Variants in TMEM223 observed in about 807,000 individuals in gnomAD.
TMEM223 encodes the protein transmembrane protein 223.
TMEM223 carries 14 observed loss-of-function variants against 14.1 expected under a neutral mutation model. The ratio of observed to expected loss-of-function variants is 0.99; its 90% CI spans 0.66 to 1.55. The LOEUF (loss-of-function observed/expected upper bound fraction) is 1.55, where lower values mean the gene tolerates loss of function less well. Among genes scored for constraint, TMEM223 ranks in the 40% most tolerant of loss-of-function variants. TMEM223 has a pLI of 0.00. For synonymous variants in TMEM223, 145 were observed against 120.5 expected (o/e 1.20, Z -1.33); for missense variants, 346 against 269.9 (o/e 1.28, Z -1.97).
intron 1 of TMEM223, among the ~76,000 whole-genome samples, chr11:62,775,461 A>G (rs1295012181): frequency 6.6e-6 from 1 of 152,228 alleles, no homozygotes; most frequent in Non-Finnish European, 1.5e-5. Flanking sequence ...TGCCTGTTTT[A>G]CAGTTTAGGA....
At chr11:62,782,416 C>CT in intron 1 of TMEM223, 1 of 1,426,872 alleles carries the variant, frequency 7.0e-7, no homozygotes, top group African/African-American at 1.4e-5. Flanking sequence ...AAGCCTCTGG[C>CT]TTTGAGAGTC....
chr11:62,786,669 C>T, downstream of TMEM223: 4 of 1,611,672 alleles, frequency 2.5e-6, no homozygotes, highest in Non-Finnish European at 2.5e-6. Context: ...CAGAACCCAG[C>T]TTTGGGTCCG....
At chr11:62,789,129 G>T, downstream of TMEM223, 1 of 1,614,136 alleles carries the variant, frequency 6.2e-7, no homozygotes, top group Non-Finnish European at 8.5e-7. Flanking sequence ...TTTGTAGCTG[G>T]GGCCTCTGGC....
chr11:62,775,826 G>C (rs747264295), intron 1 of TMEM223: 2 of 1,613,086 alleles, frequency 1.2e-6, no homozygotes, highest in Non-Finnish European at 8.5e-7. Flanking sequence ...GATCCCTCGG[G>C]AGTCTGTCCG....
At chr11:62,786,919 G>C, downstream of TMEM223, 1 of 1,494,268 alleles carries the variant, frequency 6.7e-7, no homozygotes, top group Non-Finnish European at 8.8e-7. Flanking sequence ...CAGCCCGCAC[G>C]GCGACGAGAG....
At chr11:62,783,679 C>T (rs1336284659), downstream of TMEM223, among the ~76,000 whole-genome samples, 1 of 151,590 alleles carries the variant, frequency 6.6e-6, no homozygotes, top group Non-Finnish European at 1.5e-5. Flanking sequence ...GGATTACAGG[C>T]ACGTGCCACC....
At chr11:62,784,434 G>A (rs552886384), downstream of TMEM223, among the ~76,000 whole-genome samples, 75 of 151,662 alleles carry the variant, frequency 4.9e-4, no homozygotes, top group Non-Finnish European at 9.1e-4. Context: ...CCTCCCGAGA[G>A]TAGCTGGGAC....
At chr11:62,787,556 C>CG, downstream of TMEM223, 4 of 1,519,026 alleles carry the variant, frequency 2.6e-6, no homozygotes, top group Non-Finnish European at 2.6e-6. Context: ...GTCAGGTAGG[C>CG]GGGGGAGCTG....
intron 1 of TMEM223, chr11:62,778,384 A>C (rs372139238): frequency 2.6e-4 from 411 of 1,608,346 alleles, no homozygotes; most frequent in Non-Finnish European, 3.4e-4. Flanking sequence ...TTTCTCCCTT[A>C]GGTTCTGAGG....
intron 1 of TMEM223, 96 bp downstream of exon 1, chr11:62,791,583 C>G: frequency 7.3e-7 from 1 of 1,376,716 alleles, no homozygotes; most frequent in Non-Finnish European, 9.6e-7. Context: ...GCCCGCCACT[C>G]TCGGATAGGG....
At chr11:62,787,203 G>C (rs374021951), downstream of TMEM223, 2 of 1,588,192 alleles carry the variant, frequency 1.3e-6, no homozygotes, top group Non-Finnish European at 1.7e-6. Context: ...GCCCGGCCTC[G>C]CGCTACGTGC....
chr11:62,782,878 A>G (rs1481709175), downstream of TMEM223: 1 of 1,601,216 alleles, frequency 6.2e-7, no homozygotes, highest in Non-Finnish European at 8.5e-7. Context: ...TTTGTGTTAG[A>G]AAAATAGTAC....
Position 62,790,480 on chromosome 11 carries a change from T to G in TMEM223, c.*143A>C, listed in dbSNP as rs2084347980. On this transcript the variant is annotated 3_prime_UTR_variant, in exon 2 of 2. Transcript: ENST00000307366. Reference sequence around the variant, plus strand: ...AAATAGAGACAAGGTCTCGCTATGTTGCCCAGCCTGGGCTCGAGCAGTGCT... The same window carrying G: ...AAATAGAGACAAGGTCTCGCTATGTGGCCCAGCCTGGGCTCGAGCAGTGCT... The G allele has an allele frequency of 7.9e-6, 6 of 759,862 alleles. No individual in the cohort carries two copies. Among genetic ancestry groups the G allele is most frequent in the Non-Finnish European group, 1.2e-5 (6 of 483,942 alleles). The allele number at this position is 759,862 out of a possible 1,614,324, so 47.1% of individuals were successfully genotyped here.
At chr11:62,778,260 A>G (rs1021368946) in intron 1 of TMEM223, 1 of 1,614,142 alleles carries the variant, frequency 6.2e-7, no homozygotes, top group Non-Finnish European at 8.5e-7. Context: ...CGCCAGGCTG[A>G]CACATCTCTC....
downstream of TMEM223, chr11:62,782,968 T>C: frequency 2.4e-6 from 3 of 1,249,258 alleles, no homozygotes; most frequent in Non-Finnish European, 3.3e-6. Context: ...GGCTCAGTGA[T>C]ACTTGACTTT....
chr11:62,789,337 C>G, downstream of TMEM223: 1 of 1,613,986 alleles, frequency 6.2e-7, no homozygotes, highest in South Asian at 1.1e-5. Context: ...CAGCTATAGC[C>G]GTCTTCCTGG....
At chr11:62,788,765 C>T (rs1052057214), downstream of TMEM223, among the ~76,000 whole-genome samples, 39 of 151,804 alleles carry the variant, frequency 2.6e-4, no homozygotes, top group African/African-American at 9.4e-4. Context: ...TGCACAGAGA[C>T]CATAACTTGT....
At chr11:62,781,789 A>G (rs2084231653) in intron 1 of TMEM223, 6 of 993,038 alleles carry the variant, frequency 6.0e-6, no homozygotes, top group South Asian at 1.4e-5. Flanking sequence ...GAACATTAAA[A>G]TTGTAAAACA....
downstream of TMEM223, among the ~76,000 whole-genome samples, chr11:62,783,833 G>A (rs934016633): frequency 3.3e-5 from 5 of 150,778 alleles, no homozygotes; most frequent in Non-Finnish European, 5.9e-5. Context: ...ACGCCCAGCC[G>A]ATTATGTGGT....
Sources: gnomAD v4.1 joint callset for allele counts (sites outside exome capture counted in the v4.1 genomes callset) on GRCh38, gnomAD v4.1.1 for gene constraint, MANE v1.5 for transcripts, NCBI Gene and HGNC (gene_info 2026-07-23, HGNC 2026-07-21) for gene names.